DOCK5: variants seen among roughly 807,000 people sequenced by gnomAD.
DOCK5 encodes dedicator of cytokinesis 5, also known as dedicator of cytokinesis protein 5.
A neutral mutation model predicts 251.8 loss-of-function variants in DOCK5; 142 were observed. That is an observed-to-expected ratio of 0.56 (90% CI 0.49 to 0.65). DOCK5 has a LOEUF of 0.65. Among genes scored for constraint, DOCK5 ranks in the 30% least tolerant of loss-of-function variants. The pLI is 0.00. For missense variants in DOCK5, 2,111 were observed against 2,312.3 expected, an observed-to-expected ratio of 0.91 and a Z score of 1.79; for synonymous variants, 842 against 835.5, an observed-to-expected ratio of 1.01 and a Z score of -0.13.
rs541523242 is a variant in DOCK5 at position 25,224,320 on chromosome 8, T to C, written c.44-19354T>C. On this transcript the variant is annotated intron_variant, in intron 1 of 51. Coordinates refer to ENST00000276440, the MANE Select transcript of DOCK5 (RefSeq NM_024940.8). ...TTTTAGTAGAGACGGGGTTTCACCA[T>C]GTTGGCCAGGCTGGTCTCGAACTCC... Among the ~76,000 whole-genome samples the C allele has an allele frequency of 1.3e-3, 192 of 152,272 alleles. 1 individual carries two copies. The highest frequency in any genetic ancestry group is 2.0e-3 in the African/African-American group (82 of 41,548).
rs778275685 is a variant in DOCK5 at position 25,372,693 on chromosome 8, G to A, written c.3659G>A (p.Arg1220His). The A allele has an allele frequency of 4.3e-6, 7 of 1,611,014 alleles. No homozygotes were observed. The highest frequency in any genetic ancestry group is 1.6e-4 in the Middle Eastern group (1 of 6,072). Residue 1220 changes from arginine (R) to histidine (H), a missense_variant, in exon 35 of 52, where the codon CGT (arginine) becomes CAT (histidine). Around this residue, in one of 3 missense-constraint regions of DOCK5, gnomAD observed 1,717 missense variants for 1,892.4 expected, o/e 0.91. Transcript: ENST00000276440. Reference sequence around the variant, plus strand: ...ATGCAAGATGAGAGCAAGGAGAACCGTATGAGCTGCACTGTGAACGTGCTG... The same window carrying A: ...ATGCAAGATGAGAGCAAGGAGAACCATATGAGCTGCACTGTGAACGTGCTG... ...IIMQDESKEN[R>H]MSCTVNVLNF...
chr8:25,273,916 G>T (rs1803978193), intron 3 of DOCK5, among the ~76,000 whole-genome samples: 1 of 152,150 alleles, frequency 6.6e-6, no homozygotes, highest in Non-Finnish European at 1.5e-5. Context: ...TCAGTAACGG[G>T]ATTAGAATTC....
chr8:25,331,904 G>C (rs1012928764), intron 18 of DOCK5, among the ~76,000 whole-genome samples: 29 of 151,338 alleles, frequency 1.9e-4, no homozygotes, highest in African/African-American at 6.6e-4. Context: ...AGTGATAAGG[G>C]ACAATTTAAA....
intron 1 of DOCK5, among the ~76,000 whole-genome samples, chr8:25,222,070 G>C (rs1802405370): frequency 6.6e-6 from 1 of 152,098 alleles, no homozygotes; most frequent in South Asian, 2.1e-4. Flanking sequence ...AGGGGTTTTT[G>C]CTGTTTAGGA....
chr8:25,203,972 C>CAT (rs10631135), intron 1 of DOCK5, among the ~76,000 whole-genome samples: 130,768 of 152,016 alleles, frequency 0.86, 56,567 homozygotes, highest in Non-Finnish European at 0.87. Context: ...TAAAATGAAA[C>CAT]GTGTTCTTTC....
At chr8:25,284,891 A>G (rs183641158) in intron 5 of DOCK5, among the ~76,000 whole-genome samples, 15 of 152,352 alleles carry the variant, frequency 9.8e-5, no homozygotes, top group Admixed American at 5.9e-4. Flanking sequence ...TTTCAAATAC[A>G]GGACTGTCCT....
intron 18 of DOCK5, 38 bp downstream of exon 18, chr8:25,325,585 T>C (rs1007366450): frequency 1.1e-5 from 17 of 1,603,382 alleles, no homozygotes; most frequent in Non-Finnish European, 1.4e-5. Flanking sequence ...ATAAGCTTCT[T>C]GCTCAGCCTT....
chr8:25,300,634 A>C lies in DOCK5; in HGVS notation c.823A>C (p.Asn275His). The change falls in exon 9 of 52, where the codon AAT becomes CAT. Residue 275 changes from asparagine (N) to histidine (H), a missense_variant. This residue lies in a region of DOCK5 where 59 missense variants were observed against 95.0 expected (regional missense o/e 0.62). Coordinates refer to ENST00000276440, the MANE Select transcript of DOCK5 (RefSeq NM_024940.8). ...GATGCCCAAGGAAATAGAGAAGCTC[A>C]ATAACCTCCAAGCAGTGTTTACAGT... Reference protein sequence around the residue: ...NGMPKEIEKLNNLQAVFTDLS... With the variant: ...NGMPKEIEKLHNLQAVFTDLS... 2 of 1,613,298 alleles carry C rather than the reference A, an allele frequency of 1.2e-6. No homozygotes were observed. The highest frequency in any genetic ancestry group is 1.7e-6 in the Non-Finnish European group (2 of 1,179,638).
intron 38 of DOCK5, among the ~76,000 whole-genome samples, chr8:25,378,826 GTTCT>G (rs1563222496): frequency 6.6e-6 from 1 of 152,160 alleles, no homozygotes; most frequent in African/African-American, 2.4e-5. Context: ...TTCAACATAG[GTTCT>G]TTCTATTTTC....
chr8:25,244,685 G>A (rs1803050451), intron 2 of DOCK5, among the ~76,000 whole-genome samples: 1 of 152,228 alleles, frequency 6.6e-6, no homozygotes, highest in Non-Finnish European at 1.5e-5. Flanking sequence ...GGATGACACA[G>A]GATGAGAAAG....
chr8:25,379,919 A>G (rs1203348911), intron 38 of DOCK5, among the ~76,000 whole-genome samples: 1 of 152,046 alleles, frequency 6.6e-6, no homozygotes, highest in Non-Finnish European at 1.5e-5. Context: ...AAAGTCCCAC[A>G]GAAACTTCCC....
intron 1 of DOCK5, among the ~76,000 whole-genome samples, chr8:25,214,766 A>C (rs771402609): frequency 1.1e-4 from 16 of 152,176 alleles, no homozygotes; most frequent in Non-Finnish European, 1.8e-4. Context: ...ATCATTGCGA[A>C]AGGGGACAGA....
chr8:25,262,993 A>G (rs1803634285), intron 2 of DOCK5, among the ~76,000 whole-genome samples: 1 of 150,808 alleles, frequency 6.6e-6, no homozygotes, highest in African/African-American at 2.5e-5. Context: ...TATGTAGTGT[A>G]AGCAGCAGAG....
intron 38 of DOCK5, among the ~76,000 whole-genome samples, chr8:25,379,887 T>G (rs11988235): frequency 0.19 from 28,786 of 150,274 alleles, 3,180 homozygotes; most frequent in African/African-American, 0.3. Flanking sequence ...TACACACACC[T>G]GTACACACAC....
chr8:25,266,990 A>G (rs1477184392), intron 2 of DOCK5, among the ~76,000 whole-genome samples: 2 of 152,332 alleles, frequency 1.3e-5, no homozygotes, highest in East Asian at 3.9e-4. Flanking sequence ...TTTATAGGGC[A>G]CAGAACGATG....
At chr8:25,320,939 AC>A in intron 15 of DOCK5, 40 bp from the exon 16 acceptor site, 2 of 1,553,404 alleles carry the variant, frequency 1.3e-6, no homozygotes, top group Non-Finnish European at 1.8e-6. Context: ...CTTGCAAAGT[AC>A]TGTGTGTCTG....
rs901314771 is a variant in DOCK5 at position 25,408,226 on chromosome 8, C to T, written c.5265+72C>T. ...CTCTCCCCTGTACCCAGGCATATCA[C>T]CATCCCCTCCCAGATTGAAGCTGGG... On this transcript the variant is annotated intron_variant, in intron 49 of 51. Transcript: ENST00000276440. 9 of 1,436,128 alleles carry T rather than the reference C, an allele frequency of 6.3e-6. No individual in the cohort carries two copies. The African/African-American group carries it at 1.2e-4, about 18-fold the overall frequency. 89.0% of individuals were successfully genotyped at this position (1,436,128 alleles called of 1,614,324 possible). A position where few individuals can be genotyped will look rare whatever the true frequency, so the allele number is the denominator to read the frequency against.
At chr8:25,383,126 G>A (rs527438397) in intron 40 of DOCK5, among the ~76,000 whole-genome samples, 41 of 152,214 alleles carry the variant, frequency 2.7e-4, no homozygotes, top group African/African-American at 9.9e-4. Context: ...TTGAAAATAG[G>A]TATCCCAAGA....
intron 1 of DOCK5, among the ~76,000 whole-genome samples, chr8:25,215,163 G>A (rs776826243): frequency 2.0e-5 from 3 of 152,158 alleles, no homozygotes; most frequent in Admixed American, 6.5e-5. Context: ...GCCAGGGAAG[G>A]CCCTAACAAT....
Sources: gnomAD v4.1 joint callset for allele counts (sites outside exome capture counted in the v4.1 genomes callset) on GRCh38, gnomAD v4.1.1 for gene constraint, gnomAD v4.1.1 regional missense constraint, MANE v1.5 for transcripts, NCBI Gene and HGNC (gene_info 2026-07-23, HGNC 2026-07-21) for gene names.